C1orf21: variants seen among roughly 807,000 people sequenced by gnomAD.
C1orf21 encodes chromosome 1 open reading frame 21, also known as uncharacterized protein C1orf21.
In C1orf21, 3 loss-of-function variants were observed where a neutral mutation model predicts 18.7. The ratio of observed to expected loss-of-function variants is 0.16; its 90% CI spans 0.07 to 0.42. The LOEUF is 0.42. C1orf21 is among the 10% of genes least tolerant of loss of function. The probability of loss-of-function intolerance (pLI) is 0.99; values close to 1 mark genes in which losing one functional copy is unlikely to be tolerated. For synonymous variants in C1orf21, 41 were observed against 46.4 expected (o/e 0.88, Z 0.47); for missense variants, 104 against 143.6 (o/e 0.72, Z 1.41).
At chr1:184,437,794 T>A (rs1405630283) in intron 1 of C1orf21, among the ~76,000 whole-genome samples, 4 of 152,076 alleles carry the variant, frequency 2.6e-5, no homozygotes, top group African/African-American at 9.7e-5. Flanking sequence ...CACCATAATT[T>A]AGAATCAGTG....
intron 1 of C1orf21, among the ~76,000 whole-genome samples, chr1:184,436,218 A>G (rs1225980405): frequency 6.6e-6 from 1 of 152,156 alleles, no homozygotes; most frequent in Non-Finnish European, 1.5e-5. Flanking sequence ...TGTTGGAGGA[A>G]GGTAGGATAT....
intron 1 of C1orf21, among the ~76,000 whole-genome samples, chr1:184,407,792 A>AT: frequency 6.6e-6 from 1 of 152,338 alleles, no homozygotes; most frequent in Non-Finnish European, 1.5e-5. Flanking sequence ...CAGATGAACA[A>AT]TATATTTGAA....
At chr1:184,612,475 C>T (rs998953180) in intron 5 of C1orf21, among the ~76,000 whole-genome samples, 2 of 152,196 alleles carry the variant, frequency 1.3e-5, no homozygotes, top group African/African-American at 4.8e-5. Flanking sequence ...CCTGTAATCC[C>T]AGCACTTTGG....
At chr1:184,459,399 A>G (rs1346944008) in intron 1 of C1orf21, among the ~76,000 whole-genome samples, 1 of 152,220 alleles carries the variant, frequency 6.6e-6, no homozygotes, top group Non-Finnish European at 1.5e-5. Flanking sequence ...TGCCAGTTAT[A>G]AAAGTGCCCA....
intron 5 of C1orf21, among the ~76,000 whole-genome samples, chr1:184,607,305 T>G (rs573855781): frequency 6.5e-4 from 99 of 152,334 alleles, no homozygotes; most frequent in Non-Finnish European, 1.1e-3. Context: ...AGTATCTACC[T>G]TATTAATGGG....
intron 1 of C1orf21, among the ~76,000 whole-genome samples, chr1:184,462,170 C>T (rs1237434689): frequency 1.3e-5 from 2 of 152,208 alleles, no homozygotes; most frequent in South Asian, 4.1e-4. Context: ...CGATGGACCA[C>T]ACCTAGTAAT....
Position 184,602,468 on chromosome 1 carries a change from TC to T in C1orf21, c.327+4008del, listed in dbSNP as rs1659598170. On this transcript the variant is annotated intron_variant, in intron 5 of 5. Transcript: ENST00000235307. The stretch of plus-strand genomic sequence containing the variant: ...TATTTTTTACTCTGCTATCTAACCA[TC>T]GTTATTCCACTGGAATCTATAGTTA... Among the ~76,000 whole-genome samples the T allele has an allele frequency of 2.0e-5, 3 of 152,212 alleles. No individual in the cohort carries two copies. The South Asian group carries it at 6.2e-4, about 31-fold the overall frequency.
chr1:184,595,920 AAGAAAAAGCAGGC>A (rs770979032), intron 4 of C1orf21, among the ~76,000 whole-genome samples: 118 of 152,164 alleles, frequency 7.8e-4, no homozygotes, highest in Non-Finnish European at 1.5e-3. Flanking sequence ...TTCTTAGACA[AAGAAAAAGCAGGC>A]AGCATTTCTA....
In C1orf21 at chr1:184,628,863, G is replaced by A. The variant is rs1341796509; in HGVS notation, c.*9307G>A. ...CCCATGTCGCTTGAATATTATTTTTGATTTGACCACCAAGATGTAATGATG... is the reference window on the plus strand; with the variant it reads ...CCCATGTCGCTTGAATATTATTTTTAATTTGACCACCAAGATGTAATGATG... On this transcript the variant is annotated 3_prime_UTR_variant, in exon 6 of 6. Transcript: ENST00000235307. 1 of 152,256 alleles carries A rather than the reference G, an allele frequency of 6.6e-6. No individual in the cohort carries two copies. The highest frequency in any genetic ancestry group is 2.4e-5 in the African/African-American group (1 of 41,316). 9.4% of individuals were successfully genotyped at this position (152,256 alleles called of 1,614,324 possible). A position where few individuals can be genotyped will look rare whatever the true frequency, so the allele number is the denominator to read the frequency against.
chr1:184,605,556 G>T (rs192019031), intron 5 of C1orf21, among the ~76,000 whole-genome samples: 14 of 152,146 alleles, frequency 9.2e-5, no homozygotes, highest in Non-Finnish European at 1.9e-4. Flanking sequence ...TTGGAGCAGC[G>T]TAGCAGGTAT....
At chr1:184,592,859 A>T (rs1174774907) in intron 4 of C1orf21, among the ~76,000 whole-genome samples, 1 of 152,168 alleles carries the variant, frequency 6.6e-6, no homozygotes, top group Non-Finnish European at 1.5e-5. Flanking sequence ...TCTGTCATTC[A>T]ATTTTTACTT....
At position 184,477,470 on chromosome 1, in the gene C1orf21, A is replaced by C. The variant is rs747176919; in HGVS notation, c.-40A>C. 1.7e-5 allele frequency: 26 copies of C among 1,547,052 alleles called. No individual in the cohort carries two copies. In the African/African-American group the frequency reaches 3.6e-4, roughly 21 times the overall value. ...AAATGTCCCTGTGTCTGTAGAGATG[A>C]TTTGCAGTTCAGCCCGGCTGAAGCT... is the stretch of plus-strand genomic sequence containing the variant. On this transcript the variant is annotated 5_prime_UTR_variant, in exon 2 of 6. Coordinates refer to ENST00000235307, the MANE Select transcript of C1orf21 (RefSeq NM_030806.4).
intron 1 of C1orf21, among the ~76,000 whole-genome samples, chr1:184,392,779 G>A (rs1355649748): frequency 8.2e-6 from 1 of 122,162 alleles, no homozygotes; most frequent in African/African-American, 3.2e-5. Context: ...GATTTTTCAT[G>A]TTTTTCTGGC....
At chr1:184,433,885 C>A (rs1656814443) in intron 1 of C1orf21, among the ~76,000 whole-genome samples, 1 of 152,088 alleles carries the variant, frequency 6.6e-6, no homozygotes, top group Admixed American at 6.6e-5. Flanking sequence ...TTTACATGAG[C>A]TATTTCTTTC....
chr1:184,564,388 A>C (rs1659005134), intron 3 of C1orf21, among the ~76,000 whole-genome samples: 1 of 152,180 alleles, frequency 6.6e-6, no homozygotes, highest in Non-Finnish European at 1.5e-5. Flanking sequence ...AGCTCACTGC[A>C]ACCTGCGCCT....
intron 3 of C1orf21, among the ~76,000 whole-genome samples, chr1:184,554,200 T>C (rs1464921828): frequency 6.6e-6 from 1 of 152,224 alleles, no homozygotes; most frequent in Non-Finnish European, 1.5e-5. Flanking sequence ...TTTCTTCTTG[T>C]ATCTTTTCCT....
At chr1:184,547,631 A>G (rs949324540) in intron 3 of C1orf21, among the ~76,000 whole-genome samples, 1 of 152,096 alleles carries the variant, frequency 6.6e-6, no homozygotes, top group African/African-American at 2.4e-5. Flanking sequence ...CTCACATACA[A>G]AGTTGAGAGA....
intron 1 of C1orf21, among the ~76,000 whole-genome samples, chr1:184,445,427 T>G (rs1447097821): frequency 6.6e-6 from 1 of 150,386 alleles, no homozygotes; most frequent in African/African-American, 2.5e-5. Flanking sequence ...TTTCCACTCT[T>G]TACCCCCCCA....
chr1:184,537,287 C>G (rs1658571988), intron 3 of C1orf21, among the ~76,000 whole-genome samples: 1 of 152,196 alleles, frequency 6.6e-6, no homozygotes. Flanking sequence ...ACAGTAACTT[C>G]CCATTCCTCC....
Sources: gnomAD v4.1 joint callset for allele counts (sites outside exome capture counted in the v4.1 genomes callset) on GRCh38, gnomAD v4.1.1 for gene constraint, MANE v1.5 for transcripts, NCBI Gene and HGNC (gene_info 2026-07-23, HGNC 2026-07-21) for gene names.